IGF2R: variants seen among roughly 807,000 people sequenced by gnomAD.
IGF2R encodes the protein insulin like growth factor 2 receptor.
IGF2R carries 91 observed loss-of-function variants against 270.6 expected under a neutral mutation model. The observed-to-expected ratio is 0.34, with a 90% CI of 0.28 to 0.40. IGF2R has a LOEUF of 0.40. Among genes scored for constraint, IGF2R ranks in the 10% least tolerant of loss-of-function variants. The pLI is 1.00. For missense variants in IGF2R, 2,805 were observed against 3,188.3 expected, an observed-to-expected ratio of 0.88 and a Z score of 2.90; for synonymous variants, 1,316 against 1,258.9, an observed-to-expected ratio of 1.05 and a Z score of -0.96.
chr6:160,086,547 C>T (rs1031178990), intron 41 of IGF2R, among the ~76,000 whole-genome samples: 3 of 152,082 alleles, frequency 2.0e-5, no homozygotes, highest in Non-Finnish European at 2.9e-5. Context: ...GCCCCTGAGC[C>T]GAGGAGGTTG....
At chr6:160,080,058 T>TG in intron 38 of IGF2R, 71 bp from the exon 39 acceptor site, 1 of 1,555,390 alleles carries the variant, frequency 6.4e-7, no homozygotes, top group Non-Finnish European at 8.8e-7. Flanking sequence ...TAGGGACTGC[T>TG]GCTGCATTCT....
chr6:160,050,617 A>G lies in IGF2R; in HGVS notation c.2659A>G (p.Thr887Ala), dbSNP rs1583280170. Residue 887 changes from threonine (T) to alanine (A), a missense_variant, in exon 19 of 48, where the codon ACG (threonine) becomes GCG (alanine). Thr to Ala is a moderately conservative substitution (Grantham distance 58). This residue lies in a region of IGF2R where 1,851 missense variants were observed against 2,207.2 expected (regional missense o/e 0.84). Coordinates refer to ENST00000356956, the MANE Select transcript of IGF2R (RefSeq NM_000876.4). This position sits in a 1 kb window ranked among gnomAD's most constrained non-coding sequence, Gnocchi z 4.0. ...TSDGRQTTYT[T>A]RIHLVCSRGR... Reference sequence around the variant, plus strand: ...CGATGGCAGACAGACCACATATACCACGAGGATCCATCTCGTCTGCTCCAG... The same window carrying G: ...CGATGGCAGACAGACCACATATACCGCGAGGATCCATCTCGTCTGCTCCAG... 2 of 1,612,608 alleles carry G rather than the reference A, an allele frequency of 1.2e-6. No individual in the cohort carries two copies. The highest frequency in any genetic ancestry group is 1.1e-5 in the South Asian group (1 of 91,022).
chr6:160,012,765 T>TATATATATATATATATATATATA (rs1562343074), intron 4 of IGF2R, among the ~76,000 whole-genome samples: 30 of 76,502 alleles, frequency 3.9e-4, no homozygotes, highest in South Asian at 8.4e-4. Context: ...ATATATATAT[T>TATATATATATATATATATATATA]TTTTTTTTTT....
chr6:160,068,015 C>T (rs1335886463), intron 29 of IGF2R, among the ~76,000 whole-genome samples: 1 of 150,396 alleles, frequency 6.6e-6, no homozygotes, highest in Non-Finnish European at 1.5e-5. Context: ...CTAATAGTTT[C>T]CTGAACTATT....
chr6:159,991,292 C>T lies in IGF2R; in HGVS notation c.258C>T (p.His86=), dbSNP rs752349284. The change falls in exon 2 of 48, where the codon CAC becomes CAT. Residue 86 remains histidine, a synonymous_variant. Transcript: ENST00000356956. ...GGCCATCAAGTGCTGTTTGTATGCACGACTTGAAGACACGCACTTATCATT... is the reference window on the plus strand; with the variant it reads ...GGCCATCAAGTGCTGTTTGTATGCATGACTTGAAGACACGCACTTATCATT... ...QCGPSSAVCM[H]DLKTRTYHSV... is the part of the protein sequence containing the mutation. 4.7e-5 allele frequency: 76 copies of T among 1,613,198 alleles called. No individual in the cohort carries two copies. The highest frequency in any genetic ancestry group is 6.1e-5 in the Non-Finnish European group (72 of 1,179,654).
Position 160,060,533 on chromosome 6 carries a change from T to G in IGF2R, c.3092-14T>G. The G allele has an allele frequency of 6.2e-7, 1 of 1,613,928 alleles. No individual in the cohort carries two copies. The highest frequency in any genetic ancestry group is 1.1e-5 in the South Asian group (1 of 91,072). ...TGTTCTGTCTCTTAAAATCTGGGCC[T>G]TCTTGCTTTACAGGTACCGCTGATG... On this transcript the variant is annotated splice_polypyrimidine_tract_variant and intron_variant, in intron 22 of 47. Coordinates refer to ENST00000356956, the MANE Select transcript of IGF2R (RefSeq NM_000876.4).
rs745355253 is a variant in IGF2R, at chr6:160,078,193, G to C, written c.5317-8G>C. The C allele has an allele frequency of 1.2e-6, 2 of 1,613,834 alleles. No homozygotes were observed. The highest frequency in any genetic ancestry group is 1.7e-6 in the Non-Finnish European group (2 of 1,179,770). ...GGTTTTTAAGACCCGTGCTCTTCCT[G>C]GCAACAGGGAACGCCTAAGCTGTTA... On this transcript the variant is annotated splice_polypyrimidine_tract_variant and splice_region_variant and intron_variant, in intron 36 of 47. Transcript: ENST00000356956.
chr6:160,033,664 G>A (rs768372657), intron 9 of IGF2R, among the ~76,000 whole-genome samples: 1 of 152,170 alleles, frequency 6.6e-6, no homozygotes, highest in Non-Finnish European at 1.5e-5. Context: ...CTGTTTGTAC[G>A]GAACCTACTG....
chr6:159,984,235 A>T (rs931362732), intron 1 of IGF2R, among the ~76,000 whole-genome samples: 1 of 152,242 alleles, frequency 6.6e-6, no homozygotes, highest in Non-Finnish European at 1.5e-5. Flanking sequence ...CAGTCTGCAT[A>T]AATGACCTTG....
intron 41 of IGF2R, 56 bp downstream of exon 41, chr6:160,085,187 G>T (rs1779073954): frequency 1.3e-6 from 2 of 1,578,660 alleles, no homozygotes; most frequent in South Asian, 1.1e-5. Flanking sequence ...AACCGGGAAG[G>T]TGAGGGTGTT....
intron 44 of IGF2R, among the ~76,000 whole-genome samples, chr6:160,092,454 C>T (rs1465730882): frequency 6.6e-6 from 1 of 152,272 alleles, no homozygotes; most frequent in Non-Finnish European, 1.5e-5. Flanking sequence ...TTTCAGAGTG[C>T]TTGTGCATGC....
intron 1 of IGF2R, among the ~76,000 whole-genome samples, chr6:159,979,165 T>C (rs1562330042): frequency 1.3e-5 from 2 of 152,214 alleles, no homozygotes; most frequent in Non-Finnish European, 1.5e-5. Context: ...GGACCCACCA[T>C]TGGATTTTGA....
In IGF2R at chr6:160,011,826, T is replaced by C. The variant is rs78681274; in HGVS notation, c.513+1041T>C. On this transcript the variant is annotated intron_variant, in intron 4 of 47. Coordinates refer to ENST00000356956, the MANE Select transcript of IGF2R (RefSeq NM_000876.4). ...CCAGATCCTAAAGGGAATTTCCTGT[T>C]CTCACCTTGATAACAATCTTAATTA... Among the ~76,000 whole-genome samples the C allele has an allele frequency of 5.9e-3, 899 of 152,296 alleles. 13 individuals are homozygous for C. Among genetic ancestry groups the C allele is most frequent in the African/African-American group, 0.02 (849 of 41,552 alleles).
intron 44 of IGF2R, among the ~76,000 whole-genome samples, chr6:160,092,354 C>A (rs1779245932): frequency 6.6e-6 from 1 of 152,262 alleles, no homozygotes; most frequent in Non-Finnish European, 1.5e-5. Context: ...CTTCACGCTC[C>A]ATCGCGCAGC....
chr6:160,104,454 C>G (rs1306307225), intron 47 of IGF2R, among the ~76,000 whole-genome samples: 1 of 151,990 alleles, frequency 6.6e-6, no homozygotes, highest in Non-Finnish European at 1.5e-5. Context: ...TGCCACCCTC[C>G]CAAACCCTCC....
chr6:160,047,877 C>T lies in IGF2R; in HGVS notation c.2315C>T (p.Pro772Leu), dbSNP rs1423491119. The T allele has an allele frequency of 1.2e-6, 2 of 1,613,502 alleles. No individual in the cohort carries two copies. Among genetic ancestry groups the T allele is most frequent in the Admixed American group, 3.3e-5 (2 of 60,024 alleles). Residue 772 changes from proline (P) to leucine (L), a missense_variant, in exon 17 of 48, where the codon CCC (proline) becomes CTC (leucine). Physicochemically the swap from Pro to Leu is moderately conservative, Grantham distance 98. This residue lies in a region of IGF2R where 954 missense variants were observed against 981.1 expected (regional missense o/e 0.97). Coordinates refer to ENST00000356956, the MANE Select transcript of IGF2R (RefSeq NM_000876.4). The stretch of plus-strand genomic sequence containing the variant: ...CCCCTGGAATGCGTAGTGACCGACC[C>T]CTCCACGCTGGAGCAGTACGACCTC... ...EEPLECVVTD[P>L]STLEQYDLSS...
intron 28 of IGF2R, 76 bp from the exon 29 acceptor site, chr6:160,064,728 T>C (rs563761607): frequency 1.7e-6 from 2 of 1,198,954 alleles, no homozygotes; most frequent in South Asian, 2.5e-5. Flanking sequence ...CTTTACTATT[T>C]TCATTCTTAA....
rs1771392115 is a variant in IGF2R at position 160,089,163 on chromosome 6, C to A, written c.6377C>A (p.Ala2126Asp). 1.2e-6 allele frequency: 2 copies of A among 1,613,932 alleles called. No homozygotes were observed. The highest frequency in any genetic ancestry group is 1.3e-5 in the African/African-American group (1 of 74,908). ...YFSWDSRAAC[A>D]VKPQEVQMVN... ...AGCTGGGACTCCCGGGCTGCCTGCG[C>A]CGTGAAGCCTCAGGAGGTGCAGATG... Residue 2126 changes from alanine (A) to aspartate (D), a missense_variant, in exon 43 of 48, where the codon GCC becomes GAC. Physicochemically the swap from Ala to Asp is moderately radical, Grantham distance 126. Transcript: ENST00000356956.
intron 28 of IGF2R, 49 bp from the exon 29 acceptor site, chr6:160,064,755 T>TA (rs775551188): frequency 7.4e-7 from 1 of 1,350,664 alleles, no homozygotes; most frequent in African/African-American, 1.4e-5. Flanking sequence ...AAGTATAAAC[T>TA]AAAGTTTTGC....
Sources: gnomAD v4.1 joint callset for allele counts (sites outside exome capture counted in the v4.1 genomes callset) on GRCh38, gnomAD v4.1.1 for gene constraint, gnomAD v4.1.1 regional missense constraint, Gnocchi (gnomAD v3.1) non-coding constraint, MANE v1.5 for transcripts, NCBI Gene and HGNC (gene_info 2026-07-23, HGNC 2026-07-21) for gene names.